Variants in KLHL4 observed in about 807,000 individuals in gnomAD.
KLHL4 encodes kelch-like protein 4.
A neutral mutation model predicts 45.8 loss-of-function variants in KLHL4; 17 were observed. That is an observed-to-expected ratio of 0.37 (90% CI 0.25 to 0.56). The LOEUF is 0.56. Ranked by LOEUF, KLHL4 falls within the 20% of genes least tolerant of loss-of-function variation. The pLI, the probability that KLHL4 is intolerant of heterozygous loss-of-function variation, is 0.79. For missense variants in KLHL4, 544 were observed against 544.9 expected (o/e 1.00, Z 0.02); for synonymous variants, 224 against 189.9 (o/e 1.18, Z -1.47).
In KLHL4 at chrX:87,667,604, AGACTTGTT is replaced by A; in HGVS notation, c.*1071_*1078del. 1 of 587,704 alleles carries A rather than the reference AGACTTGTT, an allele frequency of 1.7e-6. No individual in the cohort carries two copies. The highest frequency in any genetic ancestry group is 2.0e-6 in the Non-Finnish European group (1 of 489,343). The allele number at this position is 587,704 out of a possible 1,213,427, so 48.4% of individuals were successfully genotyped here. Reference sequence around the variant, plus strand: ...ATGTGTGCTATATAAAAAAAAAAAAAGACTTGTTAAGTTTTAAAATAACAAAAATGGCT... The same window carrying A: ...ATGTGTGCTATATAAAAAAAAAAAAAAAGTTTTAAAATAACAAAAATGGCT... On this transcript the variant is annotated 3_prime_UTR_variant, in exon 11 of 11. Coordinates refer to ENST00000373119, the MANE Select transcript of KLHL4 (RefSeq NM_019117.5).
At position 87,668,991 on chromosome X, in the gene KLHL4, G is replaced by A; in HGVS notation, c.*2457G>A. On this transcript the variant is annotated 3_prime_UTR_variant, in exon 11 of 11. Transcript: ENST00000373119. ...ATATGAGCCATCAGAATAGAGACCT[G>A]CAGAGGCCCAGGGCACTCAAACATA... 2 of 791,011 alleles carry A rather than the reference G, an allele frequency of 2.5e-6. No homozygotes were observed. The highest frequency in any genetic ancestry group is 3.0e-6 in the Non-Finnish European group (2 of 663,152). The allele number at this position is 791,011 out of a possible 1,213,427, so 65.2% of individuals were successfully genotyped here.
chrX:87,633,855 C>T lies in KLHL4; in HGVS notation c.1656C>T (p.Tyr552=), dbSNP rs1045979217. 4.1e-6 allele frequency: 5 copies of T among 1,208,850 alleles called. No homozygotes were observed. The highest frequency in any genetic ancestry group is 1.8e-5 in the South Asian group (1 of 56,516). Residue 552 remains tyrosine (Y), a synonymous_variant, in exon 8 of 11, where the codon TAC becomes TAT. Transcript: ENST00000373119. The part of the protein sequence containing the change: ...RWDPEGRQWN[Y]VASMSTPRST... ...ACCCTGAGGGACGACAGTGGAATTA[C>T]GTAGCCAGTATGTCAACTCCTAGAA...
intron 1 of KLHL4, among the ~76,000 whole-genome samples, chrX:87,606,543 A>G (rs948987504): frequency 1.8e-5 from 2 of 111,471 alleles, no homozygotes; most frequent in African/African-American, 6.5e-5. Flanking sequence ...GTATCACAGA[A>G]ATACAAAAAA....
At chrX:87,567,675 G>T (rs1932242974) in intron 1 of KLHL4, among the ~76,000 whole-genome samples, 1 of 112,065 alleles carries the variant, frequency 8.9e-6, no homozygotes, top group African/African-American at 3.2e-5. Flanking sequence ...GCAGCTGGAG[G>T]TTGTTATTCT....
chrX:87,656,574 T>C (rs767836314), intron 9 of KLHL4, among the ~76,000 whole-genome samples: 2 of 109,371 alleles, frequency 1.8e-5, no homozygotes, highest in East Asian at 5.8e-4. Context: ...CTTTGGCAAA[T>C]TTATCATTCA....
At position 87,664,837 on chromosome X, in the gene KLHL4, C is replaced by T. The variant is rs1924312481; in HGVS notation, c.1999C>T (p.Pro667Ser). 5 of 1,198,799 alleles carry T rather than the reference C, an allele frequency of 4.2e-6. No homozygotes were observed. The highest frequency in any genetic ancestry group is 5.6e-6 in the Non-Finnish European group (5 of 885,969). The change falls in exon 10 of 11, where the codon CCT becomes TCT. Residue 667 changes from proline to serine, a missense_variant. Pro to Ser is a moderately conservative substitution (Grantham distance 74, BLOSUM62 -1). Transcript: ENST00000373119. The stretch of plus-strand genomic sequence containing the variant: ...TCCTCGAGATGCTGTTGCTGTGTGC[C>T]CTCTTGGAGACAAACTCTACGTGGT... ...SVPRDAVAVC[P>S]LGDKLYVVGG... is the part of the protein sequence containing the mutation.
In KLHL4 at chrX:87,667,362, C is replaced by T. The variant is rs1464078841; in HGVS notation, c.*828C>T. ...TATAGAATGTAATGTTCTCCTCAAACATTTATGTTAACTCTATAAACAAAT... is the reference window on the plus strand; with the variant it reads ...TATAGAATGTAATGTTCTCCTCAAATATTTATGTTAACTCTATAAACAAAT... On this transcript the variant is annotated 3_prime_UTR_variant, in exon 11 of 11. Transcript: ENST00000373119. 1 of 704,332 alleles carries T rather than the reference C, an allele frequency of 1.4e-6. No individual in the cohort carries two copies. The highest frequency in any genetic ancestry group is 1.7e-6 in the Non-Finnish European group (1 of 594,022). 58.0% of individuals were successfully genotyped at this position (704,332 alleles called of 1,213,427 possible).
chrX:87,560,853 G>A (rs900005856), intron 1 of KLHL4, among the ~76,000 whole-genome samples: 16 of 111,411 alleles, frequency 1.4e-4, no homozygotes, highest in Non-Finnish European at 5.7e-5. Context: ...AATTGTAGGT[G>A]ATTATTTAGA....
rs921437535 is a variant in KLHL4, at chrX:87,526,876, A to T, written c.422+8561A>T. ...ATTTTCTTAGAAGTCAGAGCGTATT[A>T]ATCCTCAAGAAATCTCTAAAATATA... On this transcript the variant is annotated intron_variant, in intron 1 of 10. Coordinates refer to ENST00000373119, the MANE Select transcript of KLHL4 (RefSeq NM_019117.5). Among the ~76,000 whole-genome samples the T allele has an allele frequency of 4.5e-5, 5 of 111,618 alleles. No homozygotes were observed. The Admixed American group carries it at 4.8e-4, about 11-fold the overall frequency.
intron 1 of KLHL4, among the ~76,000 whole-genome samples, chrX:87,560,703 A>G (rs2213680): frequency 0.25 from 27,720 of 110,873 alleles, 2,954 homozygotes; most frequent in East Asian, 0.51. Context: ...ATCATGTAGC[A>G]TATCTTGCTG....
chrX:87,644,666 C>G (rs922723690), intron 9 of KLHL4, among the ~76,000 whole-genome samples: 1 of 111,793 alleles, frequency 8.9e-6, no homozygotes, highest in East Asian at 2.8e-4. Flanking sequence ...TCTATAAAGC[C>G]ATAGTCACCA....
At chrX:87,520,843 G>A (rs1258573264) in intron 1 of KLHL4, among the ~76,000 whole-genome samples, 1 of 111,775 alleles carries the variant, frequency 8.9e-6, no homozygotes, top group African/African-American at 3.2e-5. Context: ...TGCTTCCTAT[G>A]TGACAGAGTA....
intron 1 of KLHL4, among the ~76,000 whole-genome samples, chrX:87,563,011 C>G (rs769447613): frequency 2.7e-5 from 3 of 111,278 alleles, no homozygotes; most frequent in Admixed American, 1.9e-4. Context: ...TTAACCAAGA[C>G]CACCAAGTTG....
chrX:87,544,532 C>A (rs1360831878), intron 1 of KLHL4, among the ~76,000 whole-genome samples: 1 of 111,188 alleles, frequency 9.0e-6, no homozygotes, highest in Non-Finnish European at 1.9e-5. Context: ...CAGGTCTGAC[C>A]CAGTACATTT....
In KLHL4 at chrX:87,568,383, C is replaced by CTTTTTTTTT. The variant is rs756469573; in HGVS notation, c.423-45487_423-45486insTTTTTTTTT. Among the ~76,000 whole-genome samples, 6 of 59,220 alleles carry CTTTTTTTTT rather than the reference C, an allele frequency of 1.0e-4. 1 individual carries two copies. The highest frequency in any genetic ancestry group is 1.1e-3 in the South Asian group (1 of 875). 51.4% of individuals were successfully genotyped at this position (59,220 alleles called of 115,157 possible). A position where few individuals can be genotyped will look rare whatever the true frequency, so the allele number is the denominator to read the frequency against. On this transcript the variant is annotated intron_variant, in intron 1 of 10. Coordinates refer to ENST00000373119, the MANE Select transcript of KLHL4 (RefSeq NM_019117.5). Reference sequence around the variant, plus strand: ...CTACAGCTTTTTTTCTTTTTCTTTTCTTTTTTTCTTTTTTTTTTTTTTTTT... The same window carrying CTTTTTTTTT: ...CTACAGCTTTTTTTCTTTTTCTTTTCTTTTTTTTTTTTTTTTCTTTTTTTTTTTTTTTTT...
intron 6 of KLHL4, among the ~76,000 whole-genome samples, chrX:87,631,694 T>C (rs1190620348): frequency 9.0e-6 from 1 of 111,367 alleles, no homozygotes; most frequent in East Asian, 2.8e-4. Context: ...CGTTTAAAAA[T>C]AATTTTCATT....
At chrX:87,598,126 A>C (rs2147804126) in intron 1 of KLHL4, among the ~76,000 whole-genome samples, 1 of 111,162 alleles carries the variant, frequency 9.0e-6, no homozygotes, top group Non-Finnish European at 1.9e-5. Context: ...TAGTAGGAAT[A>C]TTAATTGAAT....
chrX:87,581,055 G>T (rs977965812), intron 1 of KLHL4, among the ~76,000 whole-genome samples: 2 of 112,251 alleles, frequency 1.8e-5, no homozygotes, highest in Non-Finnish European at 3.8e-5. Flanking sequence ...AAGCTGACAG[G>T]GTCACAGTTG....
chrX:87,607,687 C>A (rs1166190582), intron 1 of KLHL4, among the ~76,000 whole-genome samples: 1 of 111,835 alleles, frequency 8.9e-6, no homozygotes, highest in African/African-American at 3.2e-5. Context: ...ATGTAGTTTC[C>A]TAGTCAGTTT....
Sources: gnomAD v4.1 joint callset for allele counts (sites outside exome capture counted in the v4.1 genomes callset) on GRCh38, gnomAD v4.1.1 for gene constraint, MANE v1.5 for transcripts, NCBI Gene and HGNC (gene_info 2026-07-23, HGNC 2026-07-21) for gene names.